Variants in SNTB1 observed in about 807,000 individuals in gnomAD.
SNTB1 encodes the protein beta-1-syntrophin.
A neutral mutation model predicts 48.9 loss-of-function variants in SNTB1; 36 were observed. The ratio of observed to expected loss-of-function variants is 0.74; its 90% CI spans 0.56 to 0.97. SNTB1 has a LOEUF of 0.97. Ranked by LOEUF, SNTB1 falls within the 50% of genes least tolerant of loss-of-function variation. SNTB1 has a pLI of 0.00. For missense variants in SNTB1, 786 were observed against 703.4 expected (o/e 1.12, Z -1.33); for synonymous variants, 299 against 294.6 (o/e 1.01, Z -0.15).
rs181441370 is a variant in SNTB1 at position 120,749,065 on chromosome 8, A to C, written c.572-55157T>G. ...AATCATATAAATCTAAATTATAAAA[A>C]ATTATAATGACTTATAACAGTGGTT... On this transcript the variant is annotated intron_variant, in intron 1 of 6. Coordinates refer to ENST00000517992, the MANE Select transcript of SNTB1 (RefSeq NM_021021.4). Among the ~76,000 whole-genome samples, 23 of 152,354 alleles carry C rather than the reference A, an allele frequency of 1.5e-4. No homozygotes were observed. In the East Asian group the frequency reaches 2.1e-3, roughly 14 times the overall value.
intron 5 of SNTB1, among the ~76,000 whole-genome samples, chr8:120,547,001 C>A (rs1815393890): frequency 6.6e-6 from 1 of 152,108 alleles, no homozygotes; most frequent in African/African-American, 2.4e-5. Flanking sequence ...GAGTGGACTT[C>A]AGAGTGACAC....
intron 1 of SNTB1, among the ~76,000 whole-genome samples, chr8:120,767,491 A>G (rs951430483): frequency 1.3e-5 from 2 of 152,216 alleles, no homozygotes; most frequent in Non-Finnish European, 2.9e-5. Flanking sequence ...CACTCTTTAG[A>G]CCTTGAAAAT....
At chr8:120,783,573 C>T (rs555194423) in intron 1 of SNTB1, among the ~76,000 whole-genome samples, 2 of 152,310 alleles carry the variant, frequency 1.3e-5, no homozygotes, top group African/African-American at 4.8e-5. Flanking sequence ...TCCTCTTCCT[C>T]CAACTTGCCC....
intron 3 of SNTB1, among the ~76,000 whole-genome samples, chr8:120,613,112 G>C (rs1816651045): frequency 2.6e-5 from 4 of 152,276 alleles, no homozygotes; most frequent in Admixed American, 2.6e-4. Flanking sequence ...CACTTTGGGA[G>C]GCTGAGGCGG....
chr8:120,620,440 G>A (rs1816775697), intron 3 of SNTB1, among the ~76,000 whole-genome samples: 1 of 152,114 alleles, frequency 6.6e-6, no homozygotes, highest in Non-Finnish European at 1.5e-5. Context: ...AATCCAGGTA[G>A]GTCTCCATGC....
At chr8:120,740,622 G>C (rs1036603651) in intron 1 of SNTB1, among the ~76,000 whole-genome samples, 3 of 152,134 alleles carry the variant, frequency 2.0e-5, no homozygotes, top group South Asian at 2.1e-4. Context: ...AGCAGCTCCA[G>C]GCATTCCACA....
chr8:120,542,448 G>T (rs913611209), intron 5 of SNTB1, among the ~76,000 whole-genome samples: 27 of 152,172 alleles, frequency 1.8e-4, no homozygotes, highest in Admixed American at 7.2e-4. Context: ...GAGGTCAGGA[G>T]TTCGAGACCA....
At chr8:120,578,848 T>C (rs1815991129) in intron 3 of SNTB1, among the ~76,000 whole-genome samples, 1 of 152,182 alleles carries the variant, frequency 6.6e-6, no homozygotes, top group South Asian at 2.1e-4. Context: ...CAATGATCTC[T>C]CTGTTCAGAT....
intron 1 of SNTB1, among the ~76,000 whole-genome samples, chr8:120,700,085 G>A (rs555148695): frequency 5.3e-5 from 8 of 152,148 alleles, no homozygotes; most frequent in Middle Eastern, 3.4e-3. Flanking sequence ...AGGTGAATCC[G>A]GGTAGACTGG....
intron 3 of SNTB1, among the ~76,000 whole-genome samples, chr8:120,584,925 G>A (rs557072870): frequency 6.6e-6 from 1 of 152,266 alleles, no homozygotes; most frequent in South Asian, 2.1e-4. Flanking sequence ...GAGATTGCCA[G>A]CAATCTGGTG....
intron 4 of SNTB1, among the ~76,000 whole-genome samples, chr8:120,567,073 A>T (rs1290854071): frequency 2.0e-5 from 3 of 152,192 alleles, no homozygotes; most frequent in Non-Finnish European, 4.4e-5. Flanking sequence ...TCTTACTGTT[A>T]CTGTTGCATG....
chr8:120,575,489 C>A (rs991997889), intron 3 of SNTB1, among the ~76,000 whole-genome samples: 5 of 152,210 alleles, frequency 3.3e-5, no homozygotes, highest in African/African-American at 1.2e-4. Context: ...TTCTCACCTG[C>A]CAGTCAGCAC....
intron 3 of SNTB1, among the ~76,000 whole-genome samples, chr8:120,626,807 A>G (rs577142665): frequency 2.4e-4 from 37 of 152,330 alleles, no homozygotes; most frequent in African/African-American, 8.9e-4. Flanking sequence ...CTTCACTTAC[A>G]GGTTATAAGT....
chr8:120,794,849 G>T (rs1034741676), intron 1 of SNTB1, among the ~76,000 whole-genome samples: 3 of 151,944 alleles, frequency 2.0e-5, no homozygotes, highest in African/African-American at 7.3e-5. Context: ...AAGGACCATG[G>T]CCATACCTTC....
intron 3 of SNTB1, among the ~76,000 whole-genome samples, chr8:120,602,606 T>C (rs1487222543): frequency 2.0e-5 from 3 of 152,186 alleles, no homozygotes; most frequent in Admixed American, 6.5e-5. Context: ...CCTATAATCA[T>C]GTGATTATCT....
At chr8:120,624,087 G>T (rs538620024) in intron 3 of SNTB1, among the ~76,000 whole-genome samples, 2 of 152,054 alleles carry the variant, frequency 1.3e-5, no homozygotes, top group African/African-American at 4.8e-5. Context: ...ACAGGCATGT[G>T]CCAACACACC....
chr8:120,687,202 TA>T (rs1818048909), intron 2 of SNTB1, among the ~76,000 whole-genome samples: 2 of 152,194 alleles, frequency 1.3e-5, no homozygotes, highest in Admixed American at 6.5e-5. Context: ...CCCTTGTTTG[TA>T]GCCACCAAAG....
At chr8:120,640,465 G>A (rs7815500) in intron 2 of SNTB1, among the ~76,000 whole-genome samples, 128,647 of 152,036 alleles carry the variant, frequency 0.85, 54,700 homozygotes, top group Middle Eastern at 0.92. Flanking sequence ...CCAGTTTTCA[G>A]AGGGAATGCT....
At position 120,716,167 on chromosome 8, in the gene SNTB1, T is replaced by G. The variant is rs535034228; in HGVS notation, c.572-22259A>C. On this transcript the variant is annotated intron_variant, in intron 1 of 6. Transcript: ENST00000517992. Reference sequence around the variant, plus strand: ...GTAGTCAATAAATATTTGATGAATGTATACATAAATGAATGAATGAATGCA... The same window carrying G: ...GTAGTCAATAAATATTTGATGAATGGATACATAAATGAATGAATGAATGCA... Among the ~76,000 whole-genome samples the G allele has an allele frequency of 2.0e-5, 3 of 152,340 alleles. No individual in the cohort carries two copies. In the South Asian group the frequency reaches 6.2e-4, roughly 32 times the overall value.
Sources: allele counts gnomAD v4.1 joint callset (sites outside exome capture counted in the v4.1 genomes callset), GRCh38; gene constraint gnomAD v4.1.1; transcripts MANE v1.5; gene names NCBI Gene and HGNC (gene_info 2026-07-23, HGNC 2026-07-21).